PLEKHA8: variants seen among roughly 807,000 people sequenced by gnomAD.
The protein encoded by PLEKHA8 is pleckstrin homology domain containing A8.
PLEKHA8 carries 36 observed loss-of-function variants against 68.2 expected under a neutral mutation model. The ratio of observed to expected loss-of-function variants is 0.53; its 90% CI spans 0.40 to 0.70. The LOEUF (loss-of-function observed/expected upper bound fraction) is 0.70, where lower values mean the gene tolerates loss of function less well. Among genes scored for constraint, PLEKHA8 ranks in the 30% least tolerant of loss-of-function variants. The pLI, the probability that PLEKHA8 is intolerant of heterozygous loss-of-function variation, is 0.00. For synonymous variants in PLEKHA8, 211 were observed against 216.1 expected (o/e 0.98, Z 0.20); for missense variants, 505 against 615.4 (o/e 0.82, Z 1.90).
chr7:30,049,266 A>G lies in PLEKHA8; in HGVS notation c.481A>G (p.Thr161Ala). 1 of 1,613,944 alleles carries G rather than the reference A, an allele frequency of 6.2e-7. No homozygotes were observed. The highest frequency in any genetic ancestry group is 8.5e-7 in the Non-Finnish European group (1 of 1,180,000). The change falls in exon 5 of 14, where the codon ACT becomes GCT. Residue 161 changes from threonine to alanine, a missense_variant. Thr to Ala is a moderately conservative substitution (Grantham distance 58). Transcript: ENST00000449726. ...AACTTTGCTGAAATCAACCTGTAAT[A>G]CTTTTCTGAAGACCTTGGAAGAATG... ...VGTLLKSTCN[T>A]FLKTLEECMQ...
intron 9 of PLEKHA8, among the ~76,000 whole-genome samples, chr7:30,057,684 C>T (rs1305019401): frequency 2.6e-5 from 4 of 152,146 alleles, no homozygotes; most frequent in Non-Finnish European, 5.9e-5. Context: ...TGGTCTCAAA[C>T]TCCTGACCTC....
chr7:30,077,897 A>G (rs929076012), intron 13 of PLEKHA8, among the ~76,000 whole-genome samples: 1 of 152,194 alleles, frequency 6.6e-6, no homozygotes, highest in Non-Finnish European at 1.5e-5. Context: ...AAGTGGCATA[A>G]TATGGTGGTG....
intron 13 of PLEKHA8, among the ~76,000 whole-genome samples, chr7:30,104,475 T>A (rs1447778828): frequency 6.6e-6 from 1 of 152,080 alleles, no homozygotes; most frequent in Non-Finnish European, 1.5e-5. Flanking sequence ...GTGGAAACAA[T>A]GGAATACCAC....
downstream of PLEKHA8, among the ~76,000 whole-genome samples, chr7:30,093,504 G>A (rs1283757845): frequency 6.6e-6 from 1 of 152,202 alleles, no homozygotes; most frequent in Non-Finnish European, 1.5e-5. Context: ...GCGGAGGCTG[G>A]AATCAGACCA....
intron 13 of PLEKHA8, among the ~76,000 whole-genome samples, chr7:30,121,576 C>G (rs1212128880): frequency 6.6e-6 from 1 of 152,022 alleles, no homozygotes; most frequent in Non-Finnish European, 1.5e-5. Context: ...TTGCAGTGAG[C>G]AGAGATTGCG....
downstream of PLEKHA8, chr7:30,130,291 C>G (rs1210643424): frequency 6.6e-6 from 1 of 152,112 alleles, no homozygotes; most frequent in African/African-American, 2.4e-5. Flanking sequence ...CTGTGTTAGT[C>G]CCTTAGCACC....
intron 9 of PLEKHA8, among the ~76,000 whole-genome samples, chr7:30,060,334 G>A (rs1353549061): frequency 2.6e-5 from 4 of 151,492 alleles, no homozygotes; most frequent in Non-Finnish European, 2.9e-5. Flanking sequence ...TCAGCTACTC[G>A]GGAGGCTGAG....
At chr7:30,086,746 G>A (rs1001394635), downstream of PLEKHA8, among the ~76,000 whole-genome samples, 1 of 152,146 alleles carries the variant, frequency 6.6e-6, no homozygotes, top group Non-Finnish European at 1.5e-5. Context: ...AGAAGGAATA[G>A]AATGACCCTA....
Position 30,082,301 on chromosome 7 carries a change from C to T in PLEKHA8, c.*3514C>T, listed in dbSNP as rs573406644. ...TGCTACTGAAAATTGCCAGCAGTAC[C>T]GCCATCAGCACACCAAATCTACCCC... On this transcript the variant is annotated 3_prime_UTR_variant, in exon 14 of 14. Transcript: ENST00000449726. The T allele has an allele frequency of 1.5e-5, 15 of 985,498 alleles. No individual in the cohort carries two copies. Among genetic ancestry groups the T allele is most frequent in the African/African-American group, 1.2e-4 (7 of 57,332 alleles). The allele number at this position is 985,498 out of a possible 1,614,324, so 61.0% of individuals were successfully genotyped here.
Position 30,097,800 on chromosome 7 carries a change from T to G in PLEKHA8, c.1362+23668T>G, listed in dbSNP as rs149375318. Among the ~76,000 whole-genome samples the G allele has an allele frequency of 9.7e-3, 1,480 of 152,300 alleles. 24 individuals carry two copies. Among genetic ancestry groups the G allele is most frequent in the African/African-American group, 0.034 (1,421 of 41,556 alleles). ...CTTCCTTTAGCTTGGAGTAGTTTGA[T>G]CTTCTGAAGCATTCTTCTCTCAACT... On this transcript the variant is annotated intron_variant, in intron 13 of 13. Coordinates refer to the PLEKHA8 transcript ENST00000396257.
At chr7:30,029,140 T>C (rs1437557956) in intron 1 of PLEKHA8, among the ~76,000 whole-genome samples, 1 of 152,240 alleles carries the variant, frequency 6.6e-6, no homozygotes, top group African/African-American at 2.4e-5. Context: ...TGGGAATCTC[T>C]TGAATTTTGG....
chr7:30,074,252 G>GTT, intron 13 of PLEKHA8, 120 bp downstream of exon 13: 1 of 633,296 alleles, frequency 1.6e-6, no homozygotes, highest in South Asian at 2.6e-5. Flanking sequence ...AAAGTTGTGT[G>GTT]TGTGTGTGTG....
At chr7:30,050,385 C>T in intron 5 of PLEKHA8, 49 bp from the exon 6 acceptor site, 3 of 1,535,524 alleles carry the variant, frequency 2.0e-6, no homozygotes, top group Non-Finnish European at 2.6e-6. Context: ...TAAATATGCT[C>T]TGTTCAAAGT....
At chr7:30,076,201 C>T (rs760582198) in intron 13 of PLEKHA8, among the ~76,000 whole-genome samples, 22 of 152,008 alleles carry the variant, frequency 1.4e-4, no homozygotes, top group Non-Finnish European at 2.8e-4. Flanking sequence ...TAGAATCTAT[C>T]ATTATCATTT....
At chr7:30,032,329 G>C (rs1361562796) in intron 1 of PLEKHA8, among the ~76,000 whole-genome samples, 2 of 152,190 alleles carry the variant, frequency 1.3e-5, no homozygotes, top group Admixed American at 6.5e-5. Context: ...CTGAGCCTTA[G>C]TATCTTCCTC....
chr7:30,083,143 T>C lies in PLEKHA8; in HGVS notation c.*4356T>C, dbSNP rs760017780. ...TTAGCTGAGCTGATGTGTTTGGTCT[T>C]AGAGGGCCTGACTTCAGATACTCTT... On this transcript the variant is annotated 3_prime_UTR_variant, in exon 14 of 14. Coordinates refer to ENST00000449726, the MANE Select transcript of PLEKHA8 (RefSeq NM_001197026.2). 68 of 984,174 alleles carry C rather than the reference T, an allele frequency of 6.9e-5. No individual in the cohort carries two copies. The highest frequency in any genetic ancestry group is 8.1e-5 in the Non-Finnish European group (67 of 828,902). The allele number at this position is 984,174 out of a possible 1,614,324, so 61.0% of individuals were successfully genotyped here. A position where few individuals can be genotyped will look rare whatever the true frequency, so the allele number is the denominator to read the frequency against.
In PLEKHA8 at chr7:30,028,665, C is replaced by A; in HGVS notation, c.-98C>A. On this transcript the variant is annotated 5_prime_UTR_variant, in exon 1 of 14. Coordinates refer to ENST00000449726, the MANE Select transcript of PLEKHA8 (RefSeq NM_001197026.2). ...CGGGCGCCGGGAGTGGGCGTCTGGG[C>A]AGCGCCAGGCGATGGCCCTGCTGCT... The A allele has an allele frequency of 1.0e-6, 1 of 984,374 alleles. No individual in the cohort carries two copies. Among genetic ancestry groups the A allele is most frequent in the Non-Finnish European group, 1.3e-6 (1 of 758,356 alleles). The allele number at this position is 984,374 out of a possible 1,614,324, so 61.0% of individuals were successfully genotyped here.
At chr7:30,094,275 CTT>C (rs764501216), downstream of PLEKHA8, among the ~76,000 whole-genome samples, 5 of 138,212 alleles carry the variant, frequency 3.6e-5, no homozygotes, top group South Asian at 2.3e-4. Flanking sequence ...CAAGTTTCTA[CTT>C]TTTTTTTTTT....
chr7:30,051,194 C>A (rs1025742469), intron 6 of PLEKHA8, among the ~76,000 whole-genome samples: 18 of 152,280 alleles, frequency 1.2e-4, no homozygotes, highest in Admixed American at 9.8e-4. Context: ...GCCACTGTGC[C>A]CGGCCTCAAA....
Sources: gnomAD v4.1 joint callset for allele counts (sites outside exome capture counted in the v4.1 genomes callset) on GRCh38, gnomAD v4.1.1 for gene constraint, MANE v1.5 for transcripts, NCBI Gene and HGNC (gene_info 2026-07-23, HGNC 2026-07-21) for gene names.